Variants in CFH observed in about 807,000 individuals in gnomAD.
CFH encodes complement factor H, also known as H factor 1 (complement).
In CFH, 53 loss-of-function variants were observed where a neutral mutation model predicts 147.3. The observed-to-expected ratio is 0.36, with a 90% CI of 0.29 to 0.45. CFH has a LOEUF of 0.45. CFH is among the 20% of genes least tolerant of loss of function. CFH has a pLI of 1.00. For missense variants in CFH, 1,380 were observed against 1,498.0 expected (o/e 0.92, Z 1.30); for synonymous variants, 536 against 489.4 (o/e 1.10, Z -1.26).
At chr1:196,681,844 A>G (rs937324181) in intron 6 of CFH, among the ~76,000 whole-genome samples, 2 of 151,814 alleles carry the variant, frequency 1.3e-5, no homozygotes, top group Admixed American at 1.3e-4. Flanking sequence ...TAGCATAAAT[A>G]TGACTATTTT....
At chr1:196,726,345 G>T in intron 12 of CFH, 125 bp from the exon 13 acceptor site, 1 of 731,196 alleles carries the variant, frequency 1.4e-6, no homozygotes, top group Non-Finnish European at 2.3e-6. Context: ...GATTGTTTAG[G>T]ATGCTATAAT....
intron 1 of CFH, among the ~76,000 whole-genome samples, chr1:196,666,804 CAAAAA>C (rs10616982): frequency 1.2e-5 from 1 of 84,070 alleles, no homozygotes; most frequent in Non-Finnish European, 2.4e-5. Flanking sequence ...GACTCCGTCT[CAAAAA>C]AAAAAAAAAA....
intron 9 of CFH, chr1:196,700,984 A>G (rs1164966585): frequency 4.6e-6 from 2 of 436,836 alleles, no homozygotes; most frequent in Non-Finnish European, 6.1e-6. Context: ...GGCCTCTTTG[A>G]GGTCTTGTTG....
intron 15 of CFH, among the ~76,000 whole-genome samples, chr1:196,731,551 A>G (rs999241462): frequency 6.6e-6 from 1 of 151,912 alleles, no homozygotes; most frequent in Non-Finnish European, 1.5e-5. Flanking sequence ...ACAGTATTAG[A>G]GTGTTTGAAT....
At chr1:196,676,412 C>T (rs1667454092) in intron 4 of CFH, among the ~76,000 whole-genome samples, 1 of 151,926 alleles carries the variant, frequency 6.6e-6, no homozygotes, top group Non-Finnish European at 1.5e-5. Flanking sequence ...AGAACTCACC[C>T]AGTAACCACC....
intron 1 of CFH, among the ~76,000 whole-genome samples, chr1:196,655,585 C>A (rs947643035): frequency 1.3e-5 from 2 of 152,138 alleles, no homozygotes; most frequent in Non-Finnish European, 2.9e-5. Context: ...TACATTGACC[C>A]ACTTTTATTT....
intron 11 of CFH, among the ~76,000 whole-genome samples, chr1:196,722,977 A>G (rs1365980878): frequency 2.0e-5 from 3 of 151,664 alleles, no homozygotes; most frequent in African/African-American, 7.3e-5. Flanking sequence ...TCATATCCTG[A>G]GTTTTTTTTC....
At chr1:196,727,793 T>C (rs906997320) in intron 14 of CFH, among the ~76,000 whole-genome samples, 1 of 152,152 alleles carries the variant, frequency 6.6e-6, no homozygotes, top group Admixed American at 6.6e-5. Context: ...ATCAGTGGTA[T>C]AGCTGAGTGG....
chr1:196,655,036 A>T (rs1285493358), intron 1 of CFH, among the ~76,000 whole-genome samples: 3 of 152,152 alleles, frequency 2.0e-5, no homozygotes, highest in Non-Finnish European at 4.4e-5. Context: ...TTACGTGTTG[A>T]TATTAATATT....
chr1:196,741,377 A>G (rs987645192), intron 18 of CFH: 1 of 178,502 alleles, frequency 5.6e-6, no homozygotes, highest in Non-Finnish European at 1.2e-5. Context: ...ACAAGGTGGC[A>G]GGAGAGAGAG....
chr1:196,737,454 T>A, intron 16 of CFH, 21 bp from the exon 17 acceptor site: 2 of 1,569,910 alleles, frequency 1.3e-6, no homozygotes, highest in Non-Finnish European at 1.7e-6. Flanking sequence ...TTTAACCCTT[T>A]GATTTTCATT....
intron 21 of CFH, among the ~76,000 whole-genome samples, chr1:196,746,343 C>T (rs892517430): frequency 6.6e-6 from 1 of 151,982 alleles, no homozygotes; most frequent in African/African-American, 2.4e-5. Context: ...CCCAGCTAGT[C>T]GGGAGTCTGA....
At chr1:196,656,309 GAAAA>G (rs111440999) in intron 1 of CFH, among the ~76,000 whole-genome samples, 1 of 84,988 alleles carries the variant, frequency 1.2e-5, no homozygotes, top group Non-Finnish European at 3.0e-5. Context: ...ATCTCAAAAA[GAAAA>G]AAAAAAAAAA....
chr1:196,743,817 A>C (rs573424061), intron 20 of CFH, among the ~76,000 whole-genome samples, 189 bp downstream of exon 20: 4 of 152,164 alleles, frequency 2.6e-5, no homozygotes, highest in Non-Finnish European at 5.9e-5. Context: ...TTCCAGAAAG[A>C]TTCGACCAAA....
intron 9 of CFH, chr1:196,690,529 TTGTC>T (rs1667988980): frequency 4.5e-6 from 2 of 446,620 alleles, no homozygotes; most frequent in Admixed American, 3.3e-5. Flanking sequence ...AGCGGCATCA[TTGTC>T]TGGGTAAATA....
intron 1 of CFH, among the ~76,000 whole-genome samples, chr1:196,654,570 A>C (rs891012808): frequency 6.6e-6 from 1 of 152,168 alleles, no homozygotes; most frequent in Non-Finnish European, 1.5e-5. Flanking sequence ...AGTATGACCA[A>C]GGTTTTGAAT....
intron 14 of CFH, among the ~76,000 whole-genome samples, 169 bp downstream of exon 14, chr1:196,727,109 A>C (rs1669161550): frequency 6.6e-6 from 1 of 152,184 alleles, no homozygotes; most frequent in African/African-American, 2.4e-5. Context: ...GTGTCTAGAA[A>C]GAAAAAATAA....
chr1:196,728,205 G>A, intron 14 of CFH, 141 bp from the exon 15 acceptor site: 1 of 602,302 alleles, frequency 1.7e-6, no homozygotes, highest in Non-Finnish European at 2.7e-6. Flanking sequence ...ATGTGATCAG[G>A]AATAACTTGG....
chr1:196,740,928 T>G, intron 18 of CFH, 136 bp downstream of exon 18: 1 of 876,602 alleles, frequency 1.1e-6, no homozygotes, highest in Non-Finnish European at 1.8e-6. Context: ...CTGTGGGAAA[T>G]TATAGCTGTA....
Sources: allele counts gnomAD v4.1 joint callset (sites outside exome capture counted in the v4.1 genomes callset), GRCh38; gene constraint gnomAD v4.1.1; transcripts MANE v1.5; gene names NCBI Gene and HGNC (gene_info 2026-07-23, HGNC 2026-07-21).